ITGAV: variants seen among roughly 807,000 people sequenced by gnomAD.
The protein encoded by ITGAV is integrin subunit alpha V, also known as integrin alpha-V.
ITGAV carries 76 observed loss-of-function variants against 143.8 expected under a neutral mutation model. That is an observed-to-expected ratio of 0.53 (90% CI 0.44 to 0.64). ITGAV has a LOEUF of 0.64. Ranked by LOEUF, ITGAV falls within the 30% of genes least tolerant of loss-of-function variation. The pLI, the probability that ITGAV is intolerant of heterozygous loss-of-function variation, is 0.00. For synonymous variants in ITGAV, 453 were observed against 446.7 expected, an observed-to-expected ratio of 1.01 and a Z score of -0.18; for missense variants, 1,193 against 1,274.7, an observed-to-expected ratio of 0.94 and a Z score of 0.98.
rs201930300 is a variant in ITGAV, at chr2:186,638,460, G to T, written c.898G>T (p.Glu300Ter). The T allele has an allele frequency of 6.2e-7, 1 of 1,609,176 alleles. No homozygotes were observed. Among genetic ancestry groups the T allele is most frequent in the Non-Finnish European group, 8.5e-7 (1 of 1,177,240 alleles). Residue 300 changes from glutamate (E) to a stop codon, truncating the protein, a stop_gained, in exon 10 of 30, where the codon GAG (glutamate) becomes TAG (stop). Coordinates refer to ENST00000261023, the MANE Select transcript of ITGAV (RefSeq NM_002210.5). LOFTEE classifies it high-confidence loss of function. ...NMSSLYNFTG[E>*]QMAAYFGFSV... is the part of the protein sequence containing the mutation. ...GTCCTCCTTATACAATTTTACTGGCGAGCAGGTATGCTTCCAAAATATGAT... is the reference window on the plus strand; with the variant it reads ...GTCCTCCTTATACAATTTTACTGGCTAGCAGGTATGCTTCCAAAATATGAT...
At chr2:186,655,270 G>A (rs1688550400) in intron 16 of ITGAV, among the ~76,000 whole-genome samples, 1 of 152,206 alleles carries the variant, frequency 6.6e-6, no homozygotes, top group African/African-American at 2.4e-5. Flanking sequence ...ATGGCAAGTG[G>A]TAAGGAATAA....
At chr2:186,656,225 A>G (rs1366141475) in intron 16 of ITGAV, 22 bp from the exon 17 acceptor site, 3 of 1,564,446 alleles carry the variant, frequency 1.9e-6, no homozygotes, top group Admixed American at 2.0e-5. Context: ...TATGTTGGTT[A>G]TAAATCCTTT....
At position 186,677,372 on chromosome 2, in the gene ITGAV, A is replaced by G. The variant is rs1450314920; in HGVS notation, c.*80A>G. 9.1e-7 allele frequency: 1 copy of G among 1,093,198 alleles called. No homozygotes were observed. The highest frequency in any genetic ancestry group is 1.4e-6 in the Non-Finnish European group (1 of 735,686). 67.7% of individuals were successfully genotyped at this position (1,093,198 alleles called of 1,614,324 possible). On this transcript the variant is annotated 3_prime_UTR_variant, in exon 30 of 30. Coordinates refer to ENST00000261023, the MANE Select transcript of ITGAV (RefSeq NM_002210.5). ...ATAGATTTAAACTTTCTTCATGAGGAGTAAAAATCCAAGGCTTTACTGCTG... is the reference window on the plus strand; with the variant it reads ...ATAGATTTAAACTTTCTTCATGAGGGGTAAAAATCCAAGGCTTTACTGCTG...
chr2:186,676,026 G>T, intron 28 of ITGAV, 99 bp downstream of exon 28: 1 of 681,112 alleles, frequency 1.5e-6, no homozygotes, highest in Non-Finnish European at 2.5e-6. Flanking sequence ...TAACTTTTTT[G>T]ATAATTTAAA....
Position 186,646,745 on chromosome 2 carries a change from A to C in ITGAV, c.1219A>C (p.Asn407His). Reference sequence around the variant, plus strand: ...TAAAAAAGGAATTGTTTATATCTTCAATGGAAGATCAACAGGCTTGAACGC... The same window carrying C: ...TAAAAAAGGAATTGTTTATATCTTCCATGGAAGATCAACAGGCTTGAACGC... ...EDKKGIVYIF[N>H]GRSTGLNAVP... The change falls in exon 13 of 30, where the codon AAT (asparagine) becomes CAT (histidine). Residue 407 changes from asparagine (N) to histidine (H), a missense_variant. Physicochemically the swap from Asn to His is moderately conservative, Grantham distance 68. Coordinates refer to ENST00000261023, the MANE Select transcript of ITGAV (RefSeq NM_002210.5). 1 of 1,610,854 alleles carries C rather than the reference A, an allele frequency of 6.2e-7. No homozygotes were observed. The highest frequency in any genetic ancestry group is 8.5e-7 in the Non-Finnish European group (1 of 1,177,954).
intron 13 of ITGAV, among the ~76,000 whole-genome samples, chr2:186,648,785 A>C (rs1688334100): frequency 6.6e-6 from 1 of 151,896 alleles, no homozygotes; most frequent in Non-Finnish European, 1.5e-5. Flanking sequence ...GAGCCACCAC[A>C]CCCGGCCATC....
At chr2:186,592,646 C>T (rs559561147) in intron 1 of ITGAV, among the ~76,000 whole-genome samples, 2 of 151,884 alleles carry the variant, frequency 1.3e-5, no homozygotes, top group South Asian at 4.2e-4. Flanking sequence ...GATTACAAAC[C>T]AGGGTGACTA....
At position 186,598,774 on chromosome 2, in the gene ITGAV, A is replaced by AT. The variant is rs561237731; in HGVS notation, c.186-3243dup. 1.9e-3 allele frequency among the ~76,000 whole-genome samples: 289 copies of AT among 152,050 alleles called. 1 individual carries two copies. The highest frequency in any genetic ancestry group is 6.4e-3 in the African/African-American group (267 of 41,482). On this transcript the variant is annotated intron_variant, in intron 1 of 29. Transcript: ENST00000261023. ...CTTTTGCTGAATGAAAACTAAGTTC[A>AT]TTTTCTACCCAGAATCATTTTGCCG...
At chr2:186,633,452 T>C in intron 6 of ITGAV, 78 bp downstream of exon 6, 1 of 727,738 alleles carries the variant, frequency 1.4e-6, no homozygotes, top group Non-Finnish European at 2.3e-6. Flanking sequence ...CCTATGACAT[T>C]TTACAAATTA....
intron 5 of ITGAV, 126 bp from the exon 6 acceptor site, chr2:186,633,203 G>C (rs1687861387): frequency 2.8e-6 from 1 of 363,168 alleles, no homozygotes; most frequent in Admixed American, 4.2e-5. Context: ...ATGATATAAA[G>C]ATACAATACT....
At chr2:186,653,446 GAGAA>G (rs2105729009) in intron 15 of ITGAV, among the ~76,000 whole-genome samples, 1 of 152,184 alleles carries the variant, frequency 6.6e-6, no homozygotes, top group African/African-American at 2.4e-5. Flanking sequence ...TATGATCAAG[GAGAA>G]AATGATTGGT....
intron 16 of ITGAV, among the ~76,000 whole-genome samples, chr2:186,654,981 G>C (rs1688544127): frequency 6.6e-6 from 1 of 152,198 alleles, no homozygotes; most frequent in African/African-American, 2.4e-5. Flanking sequence ...AGTTACGAAT[G>C]TGACATAATG....
intron 2 of ITGAV, among the ~76,000 whole-genome samples, chr2:186,609,104 T>G (rs906414310): frequency 6.6e-6 from 1 of 152,126 alleles, no homozygotes; most frequent in Non-Finnish European, 1.5e-5. Flanking sequence ...CTAAGAAGAT[T>G]ATGAGCTTGT....
intron 2 of ITGAV, among the ~76,000 whole-genome samples, chr2:186,604,981 C>T (rs1687019794): frequency 6.6e-6 from 1 of 152,200 alleles, no homozygotes; most frequent in Admixed American, 6.5e-5. Context: ...CCCACCTGGA[C>T]TATTGCCCTA....
chr2:186,599,441 A>G (rs1686836398), intron 1 of ITGAV, among the ~76,000 whole-genome samples: 1 of 152,142 alleles, frequency 6.6e-6, no homozygotes, highest in Admixed American at 6.5e-5. Flanking sequence ...AGATATCTCA[A>G]ACAAACATAT....
chr2:186,592,859 G>A (rs180932986), intron 1 of ITGAV, among the ~76,000 whole-genome samples: 1 of 152,060 alleles, frequency 6.6e-6, no homozygotes, highest in African/African-American at 2.4e-5. Flanking sequence ...AACCAACCTT[G>A]AATTTTTTTC....
intron 25 of ITGAV, 80 bp from the exon 26 acceptor site, chr2:186,669,621 C>T: frequency 1.1e-6 from 1 of 929,734 alleles, no homozygotes; most frequent in Non-Finnish European, 1.7e-6. Flanking sequence ...TTAATCATAT[C>T]TAAGAGTTTA....
chr2:186,667,551 G>A (rs982218214), intron 23 of ITGAV, 120 bp from the exon 24 acceptor site: 5 of 533,736 alleles, frequency 9.4e-6, no homozygotes, highest in South Asian at 8.4e-5. Flanking sequence ...TTCTTTTAAA[G>A]TATTTTTTAA....
At chr2:186,655,283 G>A (rs1011442050) in intron 16 of ITGAV, among the ~76,000 whole-genome samples, 2 of 152,218 alleles carry the variant, frequency 1.3e-5, no homozygotes, top group Non-Finnish European at 2.9e-5. Flanking sequence ...AGGAATAATA[G>A]TAAAGCAGAG....
Sources: gnomAD v4.1 joint callset for allele counts (sites outside exome capture counted in the v4.1 genomes callset) on GRCh38, gnomAD v4.1.1 for gene constraint, MANE v1.5 for transcripts, NCBI Gene and HGNC (gene_info 2026-07-23, HGNC 2026-07-21) for gene names.